RHEX: variants seen among roughly 807,000 people sequenced by gnomAD.
The protein encoded by RHEX is regulator of hemoglobinization and erythroid cell expansion, also known as regulator of hemoglobinization and erythroid cell expansion protein.
In RHEX, 18 loss-of-function variants were observed where a neutral mutation model predicts 20.1. The observed-to-expected ratio is 0.90, with a 90% CI of 0.62 to 1.33. The LOEUF (loss-of-function observed/expected upper bound fraction) is 1.33. Ranked by LOEUF, RHEX falls within the 40% of genes most tolerant of loss-of-function variation. The pLI is 0.00. For missense variants in RHEX, 192 were observed against 214.3 expected (o/e 0.90, Z 0.65); for synonymous variants, 87 against 77.1 (o/e 1.13, Z -0.67).
At chr1:206,060,469 G>C (rs1553283205) in intron 1 of RHEX, 2 of 152,492 alleles carry the variant, frequency 1.3e-5, no homozygotes, top group Non-Finnish European at 2.9e-5. Context: ...AGAAGGGCTG[G>C]ATCCATGAAG....
chr1:206,067,866 A>T lies in RHEX; in HGVS notation c.-97+14601A>T, dbSNP rs1553284312. Among the ~76,000 whole-genome samples the T allele has an allele frequency of 6.6e-6, 1 of 152,178 alleles. No individual in the cohort carries two copies. Among genetic ancestry groups the T allele is most frequent in the East Asian group, 1.9e-4 (1 of 5,200 alleles). On this transcript the variant is annotated intron_variant, in intron 1 of 5. Coordinates refer to ENST00000331555, the MANE Select transcript of RHEX (RefSeq NM_001007544.4). The surrounding 1 kb of genome is among the most constrained non-coding windows in gnomAD (Gnocchi z 4.6). ...TACTGTCTTGGTAAATTCTTTTACC[A>T]TCTGTGACGCCAGCCCCAGCCAGTT...
rs562353125 is a variant in RHEX at position 206,066,608 on chromosome 1, ACT to A, written c.-97+13346_-97+13347del. ...CTCCAGCCTGGGCAACAAGAGAGAG[ACT>A]CTGTCTCAAAAAAAAAGAGTTACAA... On this transcript the variant is annotated intron_variant, in intron 1 of 5. Transcript: ENST00000331555. Among the ~76,000 whole-genome samples, 40 of 152,054 alleles carry A rather than the reference ACT, an allele frequency of 2.6e-4. No individual in the cohort carries two copies. In the East Asian group the frequency reaches 7.4e-3, roughly 28 times the overall value.
In RHEX at chr1:206,069,013, G is replaced by GTT. The variant is rs554503769; in HGVS notation, c.-97+15749_-97+15750dup. ...AGACTTTTATGTGGCAAATGGGATG[G>GTT]TTATGCCCAGCCTGAAGCCAAGATG... is the stretch of plus-strand genomic sequence containing the variant. On this transcript the variant is annotated intron_variant, in intron 1 of 5. Coordinates refer to ENST00000331555, the MANE Select transcript of RHEX (RefSeq NM_001007544.4). Among the ~76,000 whole-genome samples, 93 of 152,310 alleles carry GTT rather than the reference G, an allele frequency of 6.1e-4. 1 individual carries two copies. Among genetic ancestry groups the GTT allele is most frequent in the African/African-American group, 2.1e-3 (89 of 41,576 alleles).
Position 206,074,680 on chromosome 1 carries a change from C to T in RHEX, c.-97+21415C>T, listed in dbSNP as rs114639918. Among the ~76,000 whole-genome samples the T allele has an allele frequency of 5.4e-3, 818 of 152,276 alleles. 8 individuals are homozygous for T. The highest frequency in any genetic ancestry group is 0.019 in the African/African-American group (797 of 41,534). On this transcript the variant is annotated intron_variant, in intron 1 of 5. Transcript: ENST00000331555. ...CATTTCCTTTATATTATTACAGGTT[C>T]GGTACCCCTACTCTGAAAATCTGAA...
At chr1:206,060,810 C>A (rs782176643) in intron 1 of RHEX, 3 of 152,154 alleles carry the variant, frequency 2.0e-5, no homozygotes, top group Non-Finnish European at 4.4e-5. Context: ...TTGTCCATGA[C>A]CCTGAAGAAA....
At chr1:206,073,030 G>T (rs569467218) in intron 1 of RHEX, among the ~76,000 whole-genome samples, 1 of 151,846 alleles carries the variant, frequency 6.6e-6, no homozygotes, top group Non-Finnish European at 1.5e-5. Flanking sequence ...TAGAGACAGG[G>T]TTTCGCCATA....
At chr1:206,072,076 G>A (rs34878590) in intron 1 of RHEX, among the ~76,000 whole-genome samples, 12,455 of 152,078 alleles carry the variant, frequency 0.082, 659 homozygotes, top group South Asian at 0.2. Flanking sequence ...AAACAGGAAC[G>A]CAACAAATAA....
chr1:206,065,619 G>A (rs1235133164), intron 1 of RHEX, among the ~76,000 whole-genome samples: 7 of 152,178 alleles, frequency 4.6e-5, no homozygotes, highest in Non-Finnish European at 8.8e-5. Flanking sequence ...CCCATCTAGG[G>A]AGATGTCTAA....
At chr1:206,090,202 C>CTTTTTTTTTTTTTTT (rs59499927) in intron 1 of RHEX, among the ~76,000 whole-genome samples, 154 of 112,508 alleles carry the variant, frequency 1.4e-3, no homozygotes, top group Non-Finnish European at 2.0e-3. Context: ...TCTTTTCTTT[C>CTTTTTTTTTTTTTTT]TTTTTTTTTT....
rs1202740930 is a variant in RHEX, at chr1:206,101,667, G to T, written c.319-85G>T. 3.0e-5 allele frequency: 32 copies of T among 1,065,190 alleles called. No individual in the cohort carries two copies. In the East Asian group the frequency reaches 7.7e-4, roughly 26 times the overall value. The allele number at this position is 1,065,190 out of a possible 1,614,324, so 66.0% of individuals were successfully genotyped here. On this transcript the variant is annotated intron_variant, in intron 5 of 5. Coordinates refer to ENST00000331555, the MANE Select transcript of RHEX (RefSeq NM_001007544.4). Reference sequence around the variant, plus strand: ...CCCCACCAAGCCATGGGCGAATCTTGTTGAGTAAGAGTTCAGTCCTGGGGT... The same window carrying T: ...CCCCACCAAGCCATGGGCGAATCTTTTTGAGTAAGAGTTCAGTCCTGGGGT...
At chr1:206,075,928 A>G (rs1158375435) in intron 1 of RHEX, among the ~76,000 whole-genome samples, 1 of 152,088 alleles carries the variant, frequency 6.6e-6, no homozygotes, top group Non-Finnish European at 1.5e-5. Flanking sequence ...CTGATGAAAC[A>G]TCACTGTCTT....
In RHEX at chr1:206,058,889, T is replaced by G. The variant is rs539950087; in HGVS notation, c.-97+5624T>G. Among the ~76,000 whole-genome samples the G allele has an allele frequency of 2.6e-5, 4 of 152,326 alleles. No homozygotes were observed. In the South Asian group the frequency reaches 6.2e-4, roughly 24 times the overall value. On this transcript the variant is annotated intron_variant, in intron 1 of 5. Transcript: ENST00000331555. Reference sequence around the variant, plus strand: ...TCTACAATTCAGTGTCTGGGAGGTTTTGTCTGCGGCTCGTCCTGCTACAAC... The same window carrying G: ...TCTACAATTCAGTGTCTGGGAGGTTGTGTCTGCGGCTCGTCCTGCTACAAC...
intron 1 of RHEX, among the ~76,000 whole-genome samples, chr1:206,085,213 A>G (rs1662814559): frequency 6.6e-6 from 1 of 152,208 alleles, no homozygotes; most frequent in African/African-American, 2.4e-5. Context: ...AATTGATTTA[A>G]TAGCAATGTG....
At chr1:206,070,702 C>T (rs890289214) in intron 1 of RHEX, among the ~76,000 whole-genome samples, 5 of 152,116 alleles carry the variant, frequency 3.3e-5, no homozygotes, top group Non-Finnish European at 5.9e-5. Flanking sequence ...AAGCAGACTG[C>T]CTTTAGTTGG....
intron 1 of RHEX, among the ~76,000 whole-genome samples, chr1:206,091,710 A>T (rs1662953699): frequency 6.6e-6 from 1 of 152,206 alleles, no homozygotes; most frequent in Admixed American, 6.5e-5. Flanking sequence ...TAGTTTCCTC[A>T]TCTATGAAGT....
intron 1 of RHEX, among the ~76,000 whole-genome samples, chr1:206,072,218 G>A (rs1662549908): frequency 6.6e-6 from 1 of 152,114 alleles, no homozygotes; most frequent in African/African-American, 2.4e-5. Context: ...ATGTACAAAG[G>A]TCCAAACATA....
At chr1:206,075,428 T>A (rs977945179) in intron 1 of RHEX, among the ~76,000 whole-genome samples, 2 of 152,190 alleles carry the variant, frequency 1.3e-5, no homozygotes, top group Admixed American at 6.5e-5. Flanking sequence ...GATGATGGAC[T>A]GAAAATTGAA....
chr1:206,054,593 CA>C (rs2102300564), intron 1 of RHEX, among the ~76,000 whole-genome samples: 1 of 152,362 alleles, frequency 6.6e-6, no homozygotes, highest in South Asian at 2.1e-4. Context: ...GTGAACTGGA[CA>C]TTAAAGTAAA....
intron 1 of RHEX, among the ~76,000 whole-genome samples, chr1:206,080,487 A>T (rs1662714062): frequency 6.6e-6 from 1 of 152,152 alleles, no homozygotes; most frequent in South Asian, 2.1e-4. Context: ...CTTGGGAAGG[A>T]GGCTGTTATC....
Sources: gnomAD v4.1 joint callset for allele counts (sites outside exome capture counted in the v4.1 genomes callset) on GRCh38, gnomAD v4.1.1 for gene constraint, Gnocchi (gnomAD v3.1) non-coding constraint, MANE v1.5 for transcripts, NCBI Gene and HGNC (gene_info 2026-07-23, HGNC 2026-07-21) for gene names.